Variants in TUBA1C observed in about 807,000 individuals in gnomAD.
TUBA1C encodes the protein tubulin alpha-1C chain.
TUBA1C carries 16 observed loss-of-function variants against 34.9 expected under a neutral mutation model. That is an observed-to-expected ratio of 0.46 (90% CI 0.31 to 0.70). The LOEUF (loss-of-function observed/expected upper bound fraction) is 0.70, where lower values mean the gene tolerates loss of function less well. Ranked by LOEUF, TUBA1C falls within the 30% of genes least tolerant of loss-of-function variation. The probability of loss-of-function intolerance (pLI) is 0.05; values close to 1 mark genes in which losing one functional copy is unlikely to be tolerated. For synonymous variants in TUBA1C, 177 were observed against 215.9 expected, an observed-to-expected ratio of 0.82 and a Z score of 1.58; for missense variants, 329 against 587.3, an observed-to-expected ratio of 0.56 and a Z score of 4.55.
chr12:49,271,227 C>CT (rs1245639416), intron 3 of TUBA1C, among the ~76,000 whole-genome samples: 4 of 152,138 alleles, frequency 2.6e-5, no homozygotes, highest in Non-Finnish European at 5.9e-5. Flanking sequence ...GACCCACAGG[C>CT]TATAAGGGAG....
intron 1 of TUBA1C, among the ~76,000 whole-genome samples, chr12:49,237,309 C>T (rs1942565825): frequency 1.3e-5 from 2 of 151,824 alleles, no homozygotes; most frequent in South Asian, 4.1e-4. Flanking sequence ...ATCCCAGCTA[C>T]TCGGGAGGCT....
chr12:49,228,226 A>G, intron 1 of TUBA1C: 7 of 1,470,914 alleles, frequency 4.8e-6, no homozygotes, highest in Non-Finnish European at 6.4e-6. Flanking sequence ...TGGACATGGT[A>G]CTGTGTGCAT....
At chr12:49,267,723 G>C (rs748861258) in intron 1 of TUBA1C, among the ~76,000 whole-genome samples, 3 of 152,182 alleles carry the variant, frequency 2.0e-5, no homozygotes, top group Non-Finnish European at 4.4e-5. Context: ...CCTGGAGCTG[G>C]GTGAGTAGAC....
At chr12:49,240,298 A>C (rs76203002) in intron 1 of TUBA1C, among the ~76,000 whole-genome samples, 6 of 140,402 alleles carry the variant, frequency 4.3e-5, no homozygotes, top group Non-Finnish European at 6.1e-5. Flanking sequence ...CATTCTCTGA[A>C]AAAAAAAAAA....
chr12:49,249,225 T>C (rs908439043), intron 1 of TUBA1C, among the ~76,000 whole-genome samples: 2 of 151,930 alleles, frequency 1.3e-5, no homozygotes, highest in Non-Finnish European at 2.9e-5. Context: ...GTCGGGAGTT[T>C]GAGACCAGCC....
chr12:49,272,250 C>G lies in TUBA1C; in HGVS notation c.376-3C>G. The G allele has an allele frequency of 6.3e-7, 1 of 1,582,374 alleles. No individual in the cohort carries two copies. The highest frequency in any genetic ancestry group is 8.6e-7 in the Non-Finnish European group (1 of 1,167,176). On this transcript the variant is annotated splice_polypyrimidine_tract_variant and splice_region_variant and intron_variant, in intron 3 of 3. Coordinates refer to ENST00000301072, the MANE Select transcript of TUBA1C (RefSeq NM_032704.5). The stretch of plus-strand genomic sequence containing the variant: ...ACTAAAATGAAACTTTTTTATTTTG[C>G]AGGCTGACCAGTGCACCGGTCTTCA...
chr12:49,237,280 G>A (rs1404329008), intron 1 of TUBA1C, among the ~76,000 whole-genome samples: 1 of 151,674 alleles, frequency 6.6e-6, no homozygotes, highest in East Asian at 1.9e-4. Flanking sequence ...TTAGCCGGGA[G>A]TGGTGGCGCG....
chr12:49,253,122 T>C, intron 1 of TUBA1C, among the ~76,000 whole-genome samples: 1 of 115,382 alleles, frequency 8.7e-6, no homozygotes, highest in Middle Eastern at 4.8e-3. Context: ...TTCAGGAGAG[T>C]GGGAAAGTGA....
intron 1 of TUBA1C, among the ~76,000 whole-genome samples, chr12:49,237,988 A>G (rs1009971028): frequency 1.3e-5 from 2 of 151,856 alleles, no homozygotes; most frequent in Non-Finnish European, 2.9e-5. Context: ...GGGCGCCTGT[A>G]ATCCCAGCTA....
upstream of TUBA1C, chr12:49,265,058 C>T: frequency 1.5e-6 from 2 of 1,327,302 alleles, no homozygotes; most frequent in Admixed American, 2.7e-5. Context: ...GTATATAAGG[C>T]CCTTCGGGGC....
At chr12:49,265,957 T>TAAAAAAA (rs35622750) in intron 1 of TUBA1C, among the ~76,000 whole-genome samples, 1 of 91,830 alleles carries the variant, frequency 1.1e-5, no homozygotes, top group East Asian at 4.3e-4. Flanking sequence ...GTCTCTACTT[T>TAAAAAAA]AAAAAAAAAA....
At chr12:49,241,681 C>T (rs1254033019) in intron 1 of TUBA1C, among the ~76,000 whole-genome samples, 8 of 140,874 alleles carry the variant, frequency 5.7e-5, no homozygotes, top group African/African-American at 2.1e-4. Context: ...TTGAGAGTCT[C>T]GCTCTGCCCC....
intron 1 of TUBA1C, among the ~76,000 whole-genome samples, chr12:49,259,238 CTT>C (rs999031109): frequency 1.4e-5 from 2 of 143,750 alleles, no homozygotes; most frequent in African/African-American, 2.5e-5. Context: ...CAAATACTTT[CTT>C]TTTTTTTTTT....
At position 49,269,502 on chromosome 12, in the gene TUBA1C, TC is replaced by T. The variant is rs1386860325; in HGVS notation, c.43del (p.Gln15ArgfsTer54). ...CISIHVGQAGVQIGNACWELY... is the reference protein window; with the variant it reads ...CISIHVGQAGXQIGNACWELY... Reference sequence around the variant, plus strand: ...TCCATCCACGTTGGCCAGGCTGGTGTCCAGATTGGCAATGCCTGCTGGGAGC... The same window carrying T: ...TCCATCCACGTTGGCCAGGCTGGTGTCAGATTGGCAATGCCTGCTGGGAGC... On this transcript the variant is annotated frameshift_variant, in exon 2 of 4. Transcript: ENST00000301072. LOFTEE classifies it high-confidence loss of function. The T allele has an allele frequency of 6.2e-7, 1 of 1,614,104 alleles. No individual in the cohort carries two copies. Among genetic ancestry groups the T allele is most frequent in the Admixed American group, 1.7e-5 (1 of 60,000 alleles).
At chr12:49,258,760 AT>A (rs879513423) in intron 1 of TUBA1C, among the ~76,000 whole-genome samples, 246 of 135,528 alleles carry the variant, frequency 1.8e-3, no homozygotes, top group African/African-American at 5.7e-3. Context: ...CAAAAATGAA[AT>A]TTTTTTTTTT....
intron 1 of TUBA1C, among the ~76,000 whole-genome samples, chr12:49,236,275 C>T (rs1942554356): frequency 6.6e-6 from 1 of 152,202 alleles, no homozygotes; most frequent in Non-Finnish European, 1.5e-5. Context: ...CCTGCATTCC[C>T]CGGTATTGCA....
chr12:49,258,790 C>T (rs1165024411), intron 1 of TUBA1C, among the ~76,000 whole-genome samples: 1 of 144,858 alleles, frequency 6.9e-6, no homozygotes, highest in Admixed American at 6.9e-5. Flanking sequence ...GAGTTTTGCT[C>T]TTGGTGCCCA....
chr12:49,256,563 A>T, intron 1 of TUBA1C: 1 of 317,778 alleles, frequency 3.1e-6, no homozygotes, highest in Non-Finnish European at 6.5e-6. Context: ...CTTTAAAATG[A>T]GGAAATCTTT....
intron 1 of TUBA1C, among the ~76,000 whole-genome samples, chr12:49,258,385 G>A (rs548812501): frequency 6.6e-6 from 1 of 152,068 alleles, no homozygotes; most frequent in African/African-American, 2.4e-5. Flanking sequence ...AGCAGCCTGG[G>A]CAACAGAGTG....
Sources: gnomAD v4.1 joint callset for allele counts (sites outside exome capture counted in the v4.1 genomes callset) on GRCh38, gnomAD v4.1.1 for gene constraint, MANE v1.5 for transcripts, NCBI Gene and HGNC (gene_info 2026-07-23, HGNC 2026-07-21) for gene names.